CSMD1: variants seen among roughly 807,000 people sequenced by gnomAD.
The protein encoded by CSMD1 is CUB and sushi domain-containing protein 1.
In CSMD1, 213 loss-of-function variants were observed where a neutral mutation model predicts 417.5. The observed-to-expected ratio is 0.51, with a 90% CI of 0.46 to 0.57. The LOEUF is 0.57. CSMD1 is among the 20% of genes least tolerant of loss of function. The probability of loss-of-function intolerance (pLI) is 0.00; values close to 1 mark genes in which losing one functional copy is unlikely to be tolerated. For missense variants in CSMD1, 6,923 were observed against 4,529.7 expected (o/e 1.53, Z -15.17); for synonymous variants, 2,862 against 1,736.8 (o/e 1.65, Z -16.11).
intron 3 of CSMD1, among the ~76,000 whole-genome samples, chr8:4,200,277 A>T (rs1227296476): frequency 6.6e-6 from 1 of 152,164 alleles, no homozygotes; most frequent in African/African-American, 2.4e-5. Flanking sequence ...ACCTTTTTTC[A>T]GAGGATAATT....
intron 5 of CSMD1, among the ~76,000 whole-genome samples, chr8:3,845,094 T>C (rs1803409964): frequency 2.0e-5 from 3 of 152,352 alleles, no homozygotes; most frequent in African/African-American, 7.2e-5. Flanking sequence ...CATACATATA[T>C]TTAGAAGCAA....
At chr8:4,777,851 C>G (rs6992941) in intron 1 of CSMD1, among the ~76,000 whole-genome samples, 79,137 of 152,098 alleles carry the variant, frequency 0.52, 20,852 homozygotes, top group Admixed American at 0.62. Context: ...CTAACGGCAA[C>G]TATGCACTTG....
chr8:3,082,299 A>C (rs1287552005), intron 49 of CSMD1, among the ~76,000 whole-genome samples: 1 of 152,150 alleles, frequency 6.6e-6, no homozygotes, highest in African/African-American at 2.4e-5. Context: ...TCTTTAACGG[A>C]GTCTCGTCAA....
At chr8:3,864,697 G>T (rs1243774465) in intron 5 of CSMD1, among the ~76,000 whole-genome samples, 6 of 151,936 alleles carry the variant, frequency 3.9e-5, no homozygotes, top group Non-Finnish European at 7.4e-5. Context: ...GTGCCCTACT[G>T]GGAGGTTGGA....
intron 1 of CSMD1, among the ~76,000 whole-genome samples, chr8:4,678,967 A>G (rs1805862343): frequency 2.0e-5 from 3 of 152,208 alleles, no homozygotes; most frequent in African/African-American, 7.2e-5. Context: ...AGCTATGCTA[A>G]GAGTTGTGTG....
intron 3 of CSMD1, among the ~76,000 whole-genome samples, chr8:4,083,390 T>A (rs1375817751): frequency 6.6e-6 from 1 of 152,134 alleles, no homozygotes; most frequent in Non-Finnish European, 1.5e-5. Context: ...TTTTCATGTG[T>A]TTTTTGGCTG....
At chr8:4,951,970 C>G (rs1237043066) in intron 1 of CSMD1, among the ~76,000 whole-genome samples, 1 of 151,120 alleles carries the variant, frequency 6.6e-6, no homozygotes, top group Non-Finnish European at 1.5e-5. Context: ...CCTTCAGAGC[C>G]AAGCTTCTAA....
At chr8:3,876,195 G>C (rs754387800) in intron 5 of CSMD1, among the ~76,000 whole-genome samples, 6 of 152,164 alleles carry the variant, frequency 3.9e-5, no homozygotes, top group Non-Finnish European at 8.8e-5. Context: ...TTTGAAAGGA[G>C]GGGAGGGGAA....
chr8:4,108,729 A>G (rs1482231964), intron 3 of CSMD1, among the ~76,000 whole-genome samples: 2 of 152,222 alleles, frequency 1.3e-5, no homozygotes, highest in African/African-American at 4.8e-5. Flanking sequence ...GTGTATGCAT[A>G]CCGACTTTTG....
chr8:3,597,413 G>T (rs918150308), intron 8 of CSMD1, among the ~76,000 whole-genome samples: 2 of 75,004 alleles, frequency 2.7e-5, no homozygotes, highest in East Asian at 5.1e-4. Flanking sequence ...CCCAAATAAA[G>T]TAGGGAACTA....
chr8:3,468,475 C>T (rs1260321055), intron 12 of CSMD1, among the ~76,000 whole-genome samples: 2 of 152,316 alleles, frequency 1.3e-5, no homozygotes, highest in East Asian at 3.9e-4. Flanking sequence ...TACTTCACCT[C>T]ACTCTTTATT....
intron 10 of CSMD1, among the ~76,000 whole-genome samples, chr8:3,512,541 G>A (rs983813708): frequency 1.3e-4 from 14 of 108,400 alleles, no homozygotes; most frequent in African/African-American, 4.6e-4. Flanking sequence ...GCTGGTGGGT[G>A]AGTCCACAGC....
intron 1 of CSMD1, among the ~76,000 whole-genome samples, chr8:4,908,836 A>T (rs567528291): frequency 1.3e-5 from 2 of 152,294 alleles, no homozygotes; most frequent in East Asian, 3.9e-4. Context: ...TAAGCATACT[A>T]ATCATACTCA....
rs529109746 is a variant in CSMD1 at position 4,981,479 on chromosome 8, G to C, written c.85+12853C>G. Among the ~76,000 whole-genome samples the C allele has an allele frequency of 1.8e-4, 27 of 152,298 alleles. 1 individual carries two copies. The highest frequency in any genetic ancestry group is 6.5e-4 in the African/African-American group (27 of 41,558). ...AACCAAAACCTGATATCATCAATTA[G>C]AGTTTCACAAATGCACTGGGGAAAA... On this transcript the variant is annotated intron_variant, in intron 1 of 69. Transcript: ENST00000635120.
rs1197669802 is a variant in CSMD1 at position 4,764,894 on chromosome 8, AC to A, written c.86-127337del. Among the ~76,000 whole-genome samples the A allele has an allele frequency of 8.3e-3, 157 of 18,870 alleles. 3 individuals are homozygous for A. The highest frequency in any genetic ancestry group is 0.033 in the African/African-American group (151 of 4,606). The allele number at this position is 18,870 out of a possible 152,430, so 12.4% of individuals were successfully genotyped here. ...TCTCAAAAAAAAAAAAAAAAAAAAA[AC>A]AACAACAACAAAAAAAAACCTTTGC... On this transcript the variant is annotated intron_variant, in intron 1 of 69. Coordinates refer to ENST00000635120, the MANE Select transcript of CSMD1 (RefSeq NM_033225.6).
intron 3 of CSMD1, among the ~76,000 whole-genome samples, chr8:4,078,047 G>C (rs909535886): frequency 5.9e-5 from 9 of 152,046 alleles, no homozygotes; most frequent in African/African-American, 2.2e-4. Context: ...CACCAGTAGG[G>C]AGTAGGAAAA....
chr8:4,062,450 C>T (rs1646839502), intron 3 of CSMD1, among the ~76,000 whole-genome samples: 1 of 152,094 alleles, frequency 6.6e-6, no homozygotes, highest in Admixed American at 6.6e-5. Context: ...TCTCAGATAT[C>T]TGACACAATG....
chr8:4,716,926 G>T (rs1033343338), intron 1 of CSMD1, among the ~76,000 whole-genome samples: 4 of 152,034 alleles, frequency 2.6e-5, no homozygotes, highest in Non-Finnish European at 5.9e-5. Context: ...CTTTAACAAT[G>T]AGATCCAATA....
intron 14 of CSMD1, among the ~76,000 whole-genome samples, chr8:3,407,198 G>T (rs10086529): frequency 0.14 from 21,096 of 151,294 alleles, 1,528 homozygotes; most frequent in East Asian, 0.2. Flanking sequence ...ATGGATGAAT[G>T]GATGGATGGG....
Sources: gnomAD v4.1 joint callset for allele counts (sites outside exome capture counted in the v4.1 genomes callset) on GRCh38, gnomAD v4.1.1 for gene constraint, MANE v1.5 for transcripts, NCBI Gene and HGNC (gene_info 2026-07-23, HGNC 2026-07-21) for gene names.